Variants in PPIP5K2 observed in about 807,000 individuals in gnomAD.
PPIP5K2 encodes the protein inositol hexakisphosphate and diphosphoinositol-pentakisphosphate kinase 2.
PPIP5K2 carries 105 observed loss-of-function variants against 154.6 expected under a neutral mutation model. The observed-to-expected ratio is 0.68, with a 90% CI of 0.58 to 0.80. The LOEUF is 0.80. Among genes scored for constraint, PPIP5K2 ranks in the 30% least tolerant of loss-of-function variants. The pLI is 0.00. For missense variants in PPIP5K2, 992 were observed against 1,504.6 expected, an observed-to-expected ratio of 0.66 and a Z score of 5.64; for synonymous variants, 480 against 490.3, an observed-to-expected ratio of 0.98 and a Z score of 0.28.
intron 25 of PPIP5K2, 58 bp from the exon 26 acceptor site, chr5:103,184,614 A>G (rs1282503773): frequency 1.5e-6 from 2 of 1,347,188 alleles, no homozygotes; most frequent in South Asian, 2.4e-5. Context: ...CATATGAAGT[A>G]TAGACTTATG....
At position 103,146,003 on chromosome 5, in the gene PPIP5K2, C is replaced by T. The variant is rs192561292; in HGVS notation, c.488-524C>T. 2.7e-4 allele frequency among the ~76,000 whole-genome samples: 41 copies of T among 152,048 alleles called. No individual in the cohort carries two copies. The East Asian group carries it at 7.5e-3, about 28-fold the overall frequency. ...TTCACGTGGACCACAAAAATATATACAACTACTATGTACCCATGATGATTA... is the reference window on the plus strand; with the variant it reads ...TTCACGTGGACCACAAAAATATATATAACTACTATGTACCCATGATGATTA... On this transcript the variant is annotated intron_variant, in intron 5 of 30. Coordinates refer to ENST00000358359, the MANE Select transcript of PPIP5K2 (RefSeq NM_001276277.3).
rs1204941905 is a variant in PPIP5K2, at chr5:103,203,377, CAACT to C, written c.*1748_*1751del. ...ACTTTCCAAACTAGAAAGTACAGTA[CAACT>C]AACTTTTTCCATTGTTATGCAAGAA... On this transcript the variant is annotated 3_prime_UTR_variant, in exon 31 of 31. Coordinates refer to ENST00000358359, the MANE Select transcript of PPIP5K2 (RefSeq NM_001276277.3). 6.6e-6 allele frequency: 1 copy of C among 152,042 alleles called. No individual in the cohort carries two copies. Among genetic ancestry groups the C allele is most frequent in the Admixed American group, 6.6e-5 (1 of 15,242 alleles). 9.4% of individuals were successfully genotyped at this position (152,042 alleles called of 1,614,324 possible).
chr5:103,168,164 GA>G lies in PPIP5K2; in HGVS notation c.2156del (p.Asp719ValfsTer12), dbSNP rs1554218518. 6.2e-7 allele frequency: 1 copy of G among 1,608,800 alleles called. No individual in the cohort carries two copies. On this transcript the variant is annotated frameshift_variant, in exon 19 of 31. Transcript: ENST00000358359. LOFTEE classifies it high-confidence loss of function. ...KDFKTKNGRY[D>X]ISKIPDIYDC... The stretch of plus-strand genomic sequence containing the variant: ...CTTTAAAACAAAGAATGGAAGATAT[GA>G]TATTAGTAAAATCCCTGACATATAT...
intron 17 of PPIP5K2, among the ~76,000 whole-genome samples, chr5:103,161,003 C>T (rs1408934106): frequency 2.0e-5 from 3 of 149,770 alleles, no homozygotes; most frequent in Admixed American, 6.7e-5. Flanking sequence ...TACATGTGCA[C>T]GACGTGCAGA....
rs781888885 is a variant in PPIP5K2 at position 103,168,051 on chromosome 5, A to C, written c.2063-21A>C. 2.7e-6 allele frequency: 4 copies of C among 1,495,666 alleles called. No individual in the cohort carries two copies. The South Asian group carries it at 3.7e-5, about 14-fold the overall frequency. 92.6% of individuals were successfully genotyped at this position (1,495,666 alleles called of 1,614,324 possible). Reference sequence around the variant, plus strand: ...ATCAGATTTTTAAGTTGCATAAACTAAAAATGTTATGTTGTTTTAGATATT... The same window carrying C: ...ATCAGATTTTTAAGTTGCATAAACTCAAAATGTTATGTTGTTTTAGATATT... On this transcript the variant is annotated intron_variant, in intron 18 of 30. Transcript: ENST00000358359.
chr5:103,199,350 A>G (rs1802615427), intron 30 of PPIP5K2, among the ~76,000 whole-genome samples: 1 of 151,890 alleles, frequency 6.6e-6, no homozygotes, highest in South Asian at 2.1e-4. Context: ...AATTCTATTC[A>G]TTTTTTTGTG....
Position 103,201,543 on chromosome 5 carries a change from C to T in PPIP5K2, c.3641C>T (p.Ala1214Val), listed in dbSNP as rs1554230336. 2 of 1,603,264 alleles carry T rather than the reference C, an allele frequency of 1.2e-6. No individual in the cohort carries two copies. The highest frequency in any genetic ancestry group is 1.1e-5 in the South Asian group (1 of 88,906). ...GTAGCTACAAGTGGACCTTCTAGTG[C>T]AGTTGTTCCTAATACCTCATCTCGG... ...SKPATSGPSS[A>V]VVPNTSSRKK... The change falls in exon 31 of 31, where the codon GCA becomes GTA. Residue 1214 changes from alanine (A) to valine (V), a missense_variant. This residue lies in a region of PPIP5K2 where 131 missense variants were observed against 117.8 expected (regional missense o/e 1.11). Coordinates refer to ENST00000358359, the MANE Select transcript of PPIP5K2 (RefSeq NM_001276277.3).
chr5:103,181,784 A>G (rs1465316055), intron 24 of PPIP5K2, among the ~76,000 whole-genome samples: 3 of 152,112 alleles, frequency 2.0e-5, no homozygotes, highest in Admixed American at 2.0e-4. Flanking sequence ...ACAGCCCCGA[A>G]TTATACAAAT....
chr5:103,143,710 A>G (rs1325702514), intron 5 of PPIP5K2, among the ~76,000 whole-genome samples: 1 of 152,224 alleles, frequency 6.6e-6, no homozygotes, highest in Non-Finnish European at 1.5e-5. Flanking sequence ...ATTGATGGAG[A>G]AAAAGCATTT....
Position 103,190,948 on chromosome 5 carries a change from A to G in PPIP5K2, c.3459A>G (p.Pro1153=). 3 of 1,609,952 alleles carry G rather than the reference A, an allele frequency of 1.9e-6. No homozygotes were observed. Among genetic ancestry groups the G allele is most frequent in the East Asian group, 2.2e-5 (1 of 44,766 alleles). Residue 1153 remains proline (P), a synonymous_variant, in exon 29 of 31, where the codon CCA becomes CCG. Coordinates refer to ENST00000358359, the MANE Select transcript of PPIP5K2 (RefSeq NM_001276277.3). ...AATTTCTTGCTTCCATTGCTTCTCCATCATCTGACGTTCCACGGAAGACCG... is the reference window on the plus strand; with the variant it reads ...AATTTCTTGCTTCCATTGCTTCTCCGTCATCTGACGTTCCACGGAAGACCG... The part of the protein sequence containing the change: ...VDEFLASIAS[P]SSDVPRKTAE...
chr5:103,149,702 C>CTT (rs548259015), intron 8 of PPIP5K2, among the ~76,000 whole-genome samples: 5 of 140,262 alleles, frequency 3.6e-5, no homozygotes, highest in Admixed American at 7.1e-5. Context: ...AAAAACATTT[C>CTT]TTTTTTTTTT....
At chr5:103,200,207 T>C (rs1055709021) in intron 30 of PPIP5K2, among the ~76,000 whole-genome samples, 12 of 152,320 alleles carry the variant, frequency 7.9e-5, no homozygotes, top group Non-Finnish European at 1.0e-4. Context: ...GACTTTACTC[T>C]GCTCATGCCA....
intron 20 of PPIP5K2, 30 bp from the exon 21 acceptor site, chr5:103,173,828 T>C: frequency 7.4e-7 from 1 of 1,351,244 alleles, no homozygotes; most frequent in Non-Finnish European, 1.1e-6. Flanking sequence ...TATATGGTTA[T>C]GTTTGAACAC....
chr5:103,139,347 CACCAAATTAT>C (rs1186800391), intron 5 of PPIP5K2, among the ~76,000 whole-genome samples: 5 of 152,122 alleles, frequency 3.3e-5, no homozygotes, highest in Non-Finnish European at 7.4e-5. Context: ...CCCACAGGAA[CACCAAATTAT>C]AAACTAGCCA....
intron 6 of PPIP5K2, among the ~76,000 whole-genome samples, chr5:103,147,065 A>G (rs921636159): frequency 1.3e-5 from 2 of 151,940 alleles, no homozygotes; most frequent in African/African-American, 2.4e-5. Context: ...ATTGTACTCA[A>G]ATGCAAATTA....
At chr5:103,154,428 C>T (rs1467861037) in intron 11 of PPIP5K2, among the ~76,000 whole-genome samples, 5 of 151,910 alleles carry the variant, frequency 3.3e-5, no homozygotes, top group Middle Eastern at 3.4e-3. Flanking sequence ...GTTTGGTTTC[C>T]GTGAAAAAAC....
chr5:103,162,583 G>C (rs549123288), intron 17 of PPIP5K2, among the ~76,000 whole-genome samples: 1 of 151,808 alleles, frequency 6.6e-6, no homozygotes, highest in African/African-American at 2.4e-5. Context: ...GGCTAGTCTC[G>C]AACTCTTGGC....
At chr5:103,121,094 G>C (rs1392345787) in intron 1 of PPIP5K2, among the ~76,000 whole-genome samples, 3 of 152,052 alleles carry the variant, frequency 2.0e-5, no homozygotes, top group Non-Finnish European at 4.4e-5. Flanking sequence ...GGGAGATTGC[G>C]ACTCTTGGTG....
intron 26 of PPIP5K2, among the ~76,000 whole-genome samples, chr5:103,185,700 T>C (rs1471979920): frequency 7.9e-5 from 12 of 152,232 alleles, no homozygotes; most frequent in East Asian, 5.8e-4. Flanking sequence ...ATGTTTTTCA[T>C]TGGGAGTCTT....
Sources: allele counts gnomAD v4.1 joint callset (sites outside exome capture counted in the v4.1 genomes callset), GRCh38; gene constraint gnomAD v4.1.1; regional missense constraint gnomAD v4.1.1; transcripts MANE v1.5; gene names NCBI Gene and HGNC (gene_info 2026-07-23, HGNC 2026-07-21).